NLGN1: variants seen among roughly 807,000 people sequenced by gnomAD.
The protein encoded by NLGN1 is neuroligin 1.
NLGN1 carries 12 observed loss-of-function variants against 65.5 expected under a neutral mutation model. The ratio of observed to expected loss-of-function variants is 0.18; its 90% CI spans 0.12 to 0.30. The LOEUF (loss-of-function observed/expected upper bound fraction) is 0.30. Ranked by LOEUF, NLGN1 falls within the 10% of genes least tolerant of loss-of-function variation. NLGN1 has a pLI of 1.00. For synonymous variants in NLGN1, 350 were observed against 359.5 expected (o/e 0.97, Z 0.30); for missense variants, 750 against 1,007.1 (o/e 0.74, Z 3.46).
intron 2 of NLGN1, among the ~76,000 whole-genome samples, chr3:173,593,038 A>G (rs1232107255): frequency 6.6e-5 from 10 of 151,954 alleles, no homozygotes; most frequent in Admixed American, 6.6e-4. Context: ...GCCAACTCCT[A>G]CTCAATCTCA....
At chr3:174,207,752 C>T (rs1452518000) in intron 4 of NLGN1, among the ~76,000 whole-genome samples, 1 of 152,158 alleles carries the variant, frequency 6.6e-6, no homozygotes, top group African/African-American at 2.4e-5. Context: ...GTCTTGCTGT[C>T]TCAACAAACG....
intron 2 of NLGN1, among the ~76,000 whole-genome samples, chr3:173,581,520 A>G (rs2149363654): frequency 6.6e-6 from 1 of 152,162 alleles, no homozygotes; most frequent in South Asian, 2.1e-4. Flanking sequence ...TCAAAGGAAA[A>G]TACAAGAAAG....
intron 2 of NLGN1, among the ~76,000 whole-genome samples, chr3:173,515,389 G>A (rs542668311): frequency 2.0e-5 from 3 of 151,942 alleles, no homozygotes; most frequent in East Asian, 3.9e-4. Flanking sequence ...GAGTTTAAAC[G>A]CTTATCAGAT....
chr3:173,766,181 C>G (rs1361949144), intron 3 of NLGN1, among the ~76,000 whole-genome samples: 2 of 151,584 alleles, frequency 1.3e-5, no homozygotes, highest in Admixed American at 6.6e-5. Context: ...CTCTGCCTCC[C>G]AGGTTCAAGC....
At chr3:174,015,523 C>T (rs1726378647) in intron 4 of NLGN1, among the ~76,000 whole-genome samples, 1 of 152,116 alleles carries the variant, frequency 6.6e-6, no homozygotes, top group Admixed American at 6.6e-5. Context: ...CTAATTAACT[C>T]CCAAAGGCCC....
At chr3:173,615,385 G>T (rs892039269) in intron 3 of NLGN1, among the ~76,000 whole-genome samples, 1 of 152,042 alleles carries the variant, frequency 6.6e-6, no homozygotes, top group African/African-American at 2.4e-5. Context: ...CCCTCAGAGG[G>T]TTTATTTACA....
intron 1 of NLGN1, among the ~76,000 whole-genome samples, chr3:173,421,140 T>G (rs1324027197): frequency 1.3e-5 from 2 of 152,286 alleles, no homozygotes; most frequent in African/African-American, 4.8e-5. Flanking sequence ...CTCTTGATTT[T>G]CAGAATCAGG....
intron 4 of NLGN1, among the ~76,000 whole-genome samples, chr3:173,982,347 ATATT>A (rs1718954767): frequency 6.6e-6 from 1 of 152,082 alleles, no homozygotes. Context: ...TTATATTTTA[ATATT>A]TAATTATTAC....
chr3:173,454,736 G>T (rs377624978), intron 2 of NLGN1, among the ~76,000 whole-genome samples: 3 of 152,334 alleles, frequency 2.0e-5, no homozygotes, highest in African/African-American at 7.2e-5. Flanking sequence ...GATTTTGAAA[G>T]AATGTTGTAG....
chr3:173,836,205 A>T (rs950802734), intron 4 of NLGN1, among the ~76,000 whole-genome samples: 3 of 152,306 alleles, frequency 2.0e-5, no homozygotes. Context: ...CCCTAACTTT[A>T]TGATGCCTAG....
At chr3:173,925,053 T>C (rs1742763527) in intron 4 of NLGN1, among the ~76,000 whole-genome samples, 1 of 152,126 alleles carries the variant, frequency 6.6e-6, no homozygotes, top group Non-Finnish European at 1.5e-5. Flanking sequence ...AAAGAAATAA[T>C]AACACAGAAA....
chr3:173,755,314 T>C (rs1776931111), intron 3 of NLGN1, among the ~76,000 whole-genome samples: 1 of 152,130 alleles, frequency 6.6e-6, no homozygotes, highest in Non-Finnish European at 1.5e-5. Context: ...AAACAAATTA[T>C]TATTGCATCA....
chr3:173,921,763 A>G (rs1307273535), intron 4 of NLGN1, among the ~76,000 whole-genome samples: 1 of 152,026 alleles, frequency 6.6e-6, no homozygotes, highest in Admixed American at 6.6e-5. Context: ...TACGTATAAA[A>G]CCTTTGAAAA....
intron 3 of NLGN1, among the ~76,000 whole-genome samples, chr3:173,666,416 G>A (rs1311105088): frequency 2.6e-5 from 4 of 152,124 alleles, no homozygotes; most frequent in Admixed American, 2.6e-4. Context: ...TATACAGTCA[G>A]AGTTAAAAGC....
chr3:174,164,399 T>C (rs1210124162), intron 4 of NLGN1, among the ~76,000 whole-genome samples: 2 of 152,084 alleles, frequency 1.3e-5, no homozygotes, highest in Non-Finnish European at 2.9e-5. Context: ...CTTGATAGTT[T>C]TATTTTCCTG....
At chr3:173,755,083 C>G (rs1462683243) in intron 3 of NLGN1, among the ~76,000 whole-genome samples, 1 of 152,024 alleles carries the variant, frequency 6.6e-6, no homozygotes, top group Admixed American at 6.6e-5. Flanking sequence ...CATTCCCTGA[C>G]AATATTTTTC....
chr3:174,065,882 G>A (rs1280660230), intron 4 of NLGN1, among the ~76,000 whole-genome samples: 1 of 151,994 alleles, frequency 6.6e-6, no homozygotes, highest in African/African-American at 2.4e-5. Context: ...GGCAAGAAAC[G>A]AGACCCTCAG....
At chr3:174,104,421 A>G (rs1713258708) in intron 4 of NLGN1, among the ~76,000 whole-genome samples, 1 of 152,160 alleles carries the variant, frequency 6.6e-6, no homozygotes, top group South Asian at 2.1e-4. Context: ...TATTTATTAA[A>G]TGTTTAGAAT....
At chr3:173,574,639 T>TA (rs1260376565) in intron 2 of NLGN1, among the ~76,000 whole-genome samples, 1 of 152,084 alleles carries the variant, frequency 6.6e-6, no homozygotes, top group East Asian at 1.9e-4. Flanking sequence ...CAAGCCCAAT[T>TA]ACAAAACAAA....
Sources: allele counts gnomAD v4.1 joint callset (sites outside exome capture counted in the v4.1 genomes callset), GRCh38; gene constraint gnomAD v4.1.1; transcripts MANE v1.5; gene names NCBI Gene and HGNC (gene_info 2026-07-23, HGNC 2026-07-21).